SIPA1L1: variants seen among roughly 807,000 people sequenced by gnomAD.
SIPA1L1 encodes the protein signal induced proliferation associated 1 like 1.
In SIPA1L1, 26 loss-of-function variants were observed where a neutral mutation model predicts 162.7. That is an observed-to-expected ratio of 0.16 (90% CI 0.12 to 0.22). The LOEUF is 0.22. Among genes scored for constraint, SIPA1L1 ranks in the 10% least tolerant of loss-of-function variants. SIPA1L1 has a pLI of 1.00. For missense variants in SIPA1L1, 1,874 were observed against 2,241.0 expected (o/e 0.84, Z 3.31); for synonymous variants, 829 against 837.4 (o/e 0.99, Z 0.17).
At chr14:71,462,908 A>G (rs530234954) in intron 2 of SIPA1L1, among the ~76,000 whole-genome samples, 1 of 152,332 alleles carries the variant, frequency 6.6e-6, no homozygotes, top group South Asian at 2.1e-4. Flanking sequence ...GATGGGCCAT[A>G]TGGACAGGAA....
At position 71,491,739 on chromosome 14, in the gene SIPA1L1, T is replaced by G. The variant is rs1310618048; in HGVS notation, c.-464-21004T>G. Among the ~76,000 whole-genome samples the G allele has an allele frequency of 3.4e-5, 5 of 145,112 alleles. No individual in the cohort carries two copies. In the Admixed American group the frequency reaches 3.5e-4, roughly 10 times the overall value. On this transcript the variant is annotated intron_variant, in intron 2 of 23. Transcript: ENST00000381232. Reference sequence around the variant, plus strand: ...GAGATTACAGGCGTGAGCCACCGTTTCAGGCTTAATGTTTTATTTCAAACA... The same window carrying G: ...GAGATTACAGGCGTGAGCCACCGTTGCAGGCTTAATGTTTTATTTCAAACA...
chr14:71,699,019 C>A lies in SIPA1L1; in HGVS notation c.3413C>A (p.Ser1138Tyr). ...PGSDIYVTVS[S>Y]MALARSQCRN... ...TCGGACATCTATGTGACGGTCTCAT[C>A]CATGGCTTTAGCAAGATCCCAGTGT... The change falls in exon 14 of 24, where the codon TCC becomes TAC. Residue 1138 changes from serine (S) to tyrosine (Y), a missense_variant. Physicochemically the swap from Ser to Tyr is moderately radical, Grantham distance 144 (BLOSUM62 -2). Transcript: ENST00000381232. 1 of 1,614,198 alleles carries A rather than the reference C, an allele frequency of 6.2e-7. No homozygotes were observed. Among genetic ancestry groups the A allele is most frequent in the Non-Finnish European group, 8.5e-7 (1 of 1,180,020 alleles).
intron 4 of SIPA1L1, among the ~76,000 whole-genome samples, chr14:71,531,537 C>CT (rs930932193): frequency 1.1e-4 from 16 of 151,696 alleles, no homozygotes; most frequent in African/African-American, 3.6e-4. Flanking sequence ...TGAAATGTAT[C>CT]TTTTTTTTGT....
intron 2 of SIPA1L1, among the ~76,000 whole-genome samples, chr14:71,394,420 C>T (rs2041020088): frequency 6.6e-6 from 1 of 152,200 alleles, no homozygotes; most frequent in South Asian, 2.1e-4. Context: ...CATTCATCTC[C>T]TGCTGCATTT....
intron 19 of SIPA1L1, among the ~76,000 whole-genome samples, chr14:71,726,787 A>G (rs183884946): frequency 2.2e-4 from 33 of 152,290 alleles, no homozygotes; most frequent in Admixed American, 1.8e-3. Flanking sequence ...AGATGAGTTC[A>G]GCTTAGTAGC....
chr14:71,420,566 C>T (rs1435159175), intron 2 of SIPA1L1, among the ~76,000 whole-genome samples: 2 of 152,182 alleles, frequency 1.3e-5, no homozygotes, highest in African/African-American at 4.8e-5. Flanking sequence ...CACTAACATC[C>T]AGAAGTAACT....
At chr14:71,571,556 G>A (rs536830431) in intron 4 of SIPA1L1, among the ~76,000 whole-genome samples, 37 of 152,240 alleles carry the variant, frequency 2.4e-4, no homozygotes, top group Admixed American at 8.5e-4. Context: ...GTAAAAGCTA[G>A]AAGTTAATGA....
chr14:71,697,945 C>A (rs7150965), intron 13 of SIPA1L1, among the ~76,000 whole-genome samples: 65,084 of 146,908 alleles, frequency 0.44, 14,583 homozygotes, highest in Admixed American at 0.52. Context: ...AAAAAAAAAA[C>A]CACAGAAAAC....
At chr14:71,658,658 A>G (rs2043265520) in intron 9 of SIPA1L1, among the ~76,000 whole-genome samples, 1 of 152,212 alleles carries the variant, frequency 6.6e-6, no homozygotes, top group South Asian at 2.1e-4. Context: ...TTGTGAATTA[A>G]TCATTTGCTT....
chr14:71,410,146 C>T (rs192349828), intron 2 of SIPA1L1, among the ~76,000 whole-genome samples: 2 of 152,280 alleles, frequency 1.3e-5, no homozygotes, highest in Admixed American at 1.3e-4. Flanking sequence ...TCATTGTATT[C>T]AATGACAATA....
chr14:71,559,011 C>G (rs2056575099), intron 4 of SIPA1L1, among the ~76,000 whole-genome samples: 1 of 151,990 alleles, frequency 6.6e-6, no homozygotes, highest in Non-Finnish European at 1.5e-5. Context: ...TGCATGCAAA[C>G]TAGCAGCAGA....
At chr14:71,463,695 AT>A (rs1342845342) in intron 2 of SIPA1L1, among the ~76,000 whole-genome samples, 7 of 152,166 alleles carry the variant, frequency 4.6e-5, no homozygotes, top group African/African-American at 1.4e-4. Flanking sequence ...AAGTCCGGAA[AT>A]TGATTGAGGG....
At chr14:71,516,555 T>G (rs1172714511) in intron 3 of SIPA1L1, among the ~76,000 whole-genome samples, 1 of 152,200 alleles carries the variant, frequency 6.6e-6, no homozygotes, top group Non-Finnish European at 1.5e-5. Flanking sequence ...CTTGGCTAAT[T>G]TTTAAATTTT....
At chr14:71,627,956 T>C (rs2040197346) in intron 7 of SIPA1L1, among the ~76,000 whole-genome samples, 2 of 152,208 alleles carry the variant, frequency 1.3e-5, no homozygotes, top group Admixed American at 6.5e-5. Context: ...TAACTAGGAA[T>C]TCAGTGTAGA....
intron 4 of SIPA1L1, among the ~76,000 whole-genome samples, chr14:71,549,851 G>A (rs916749077): frequency 4.6e-5 from 7 of 152,176 alleles, no homozygotes; most frequent in African/African-American, 1.2e-4. Context: ...TGACGGTCAT[G>A]CTTGCTGAAG....
chr14:71,381,260 G>C (rs763529001), intron 2 of SIPA1L1, among the ~76,000 whole-genome samples: 1 of 152,032 alleles, frequency 6.6e-6, no homozygotes, highest in African/African-American at 2.4e-5. Flanking sequence ...CACTGTGTTA[G>C]CCAGGATGGT....
intron 2 of SIPA1L1, among the ~76,000 whole-genome samples, chr14:71,359,669 T>C (rs1341863687): frequency 6.6e-6 from 1 of 152,222 alleles, no homozygotes; most frequent in African/African-American, 2.4e-5. Context: ...GTTTTTTTAA[T>C]TGACTTAATT....
chr14:71,734,403 T>C (rs1187971927), intron 21 of SIPA1L1, among the ~76,000 whole-genome samples: 2 of 152,250 alleles, frequency 1.3e-5, no homozygotes, highest in Non-Finnish European at 2.9e-5. Context: ...TGTGTTGACA[T>C]AAGATTGTCA....
chr14:71,544,522 C>T (rs149158610), intron 4 of SIPA1L1, among the ~76,000 whole-genome samples: 5 of 152,036 alleles, frequency 3.3e-5, no homozygotes, highest in Admixed American at 3.3e-4. Flanking sequence ...CTATGTGTTA[C>T]CTAAGAAATC....
Sources: gnomAD v4.1 joint callset for allele counts (sites outside exome capture counted in the v4.1 genomes callset) on GRCh38, gnomAD v4.1.1 for gene constraint, MANE v1.5 for transcripts, NCBI Gene and HGNC (gene_info 2026-07-23, HGNC 2026-07-21) for gene names.